SYT14: variants seen among roughly 807,000 people sequenced by gnomAD.
SYT14 encodes the protein synaptotagmin-14.
Under a neutral mutation model 74.2 loss-of-function variants are expected in SYT14, and 32 were observed. The ratio of observed to expected loss-of-function variants is 0.43; its 90% CI spans 0.33 to 0.58. SYT14 has a LOEUF of 0.58. SYT14 is among the 20% of genes least tolerant of loss of function. The pLI is 0.05. For synonymous variants in SYT14, 298 were observed against 337.7 expected, an observed-to-expected ratio of 0.88 and a Z score of 1.29; for missense variants, 791 against 981.8, an observed-to-expected ratio of 0.81 and a Z score of 2.60.
chr1:210,154,815 T>C (rs2083236315), intron 7 of SYT14, among the ~76,000 whole-genome samples: 1 of 152,218 alleles, frequency 6.6e-6, no homozygotes, highest in Non-Finnish European at 1.5e-5. Flanking sequence ...TATTATTTGC[T>C]TTAATTTAAA....
intron 7 of SYT14, among the ~76,000 whole-genome samples, chr1:210,126,164 G>C (rs10779523): frequency 0.67 from 101,545 of 151,716 alleles, 34,999 homozygotes; most frequent in East Asian, 0.87. Context: ...GATCACCCCA[G>C]TGCACTCCAG....
At chr1:209,938,985 T>C (rs149097824) in intron 1 of SYT14, among the ~76,000 whole-genome samples, 256 of 152,276 alleles carry the variant, frequency 1.7e-3, no homozygotes, top group African/African-American at 5.9e-3. Flanking sequence ...TACCAGTCTA[T>C]GAAGTGTTAT....
At chr1:209,938,732 C>A (rs72649921) in intron 1 of SYT14, among the ~76,000 whole-genome samples, 7,456 of 152,156 alleles carry the variant, frequency 0.049, 1,013 homozygotes, top group East Asian at 0.41. Context: ...TCCTGCCAAA[C>A]TGAGAGTCCA....
Position 210,016,456 on chromosome 1 carries a change from G to A in SYT14, c.453G>A (p.Gly151=), listed in dbSNP as rs148831027. The A allele has an allele frequency of 2.3e-4, 288 of 1,232,026 alleles. 1 individual carries two copies. In the African/African-American group the frequency reaches 3.9e-3, roughly 17 times the overall value. 76.3% of individuals were successfully genotyped at this position (1,232,026 alleles called of 1,614,324 possible). A position where few individuals can be genotyped will look rare whatever the true frequency, so the allele number is the denominator to read the frequency against. ...TGAAAGGCTACATGAATAATGGTGG[G>A]ATATCAGTTATCAGACAGAATACAA... Residue 151 remains glycine (G), a synonymous_variant, in exon 4 of 10, where the codon GGG becomes GGA. Transcript: ENST00000637265.
At chr1:209,977,800 TTTTCCAAC>T (rs1406621200) in intron 2 of SYT14, among the ~76,000 whole-genome samples, 1 of 151,990 alleles carries the variant, frequency 6.6e-6, no homozygotes, top group African/African-American at 2.4e-5. Context: ...CTGCAGAGTG[TTTTCCAAC>T]TTGGTTCCAT....
chr1:210,038,006 C>T (rs1280894464), intron 5 of SYT14, among the ~76,000 whole-genome samples: 1 of 152,010 alleles, frequency 6.6e-6, no homozygotes, highest in African/African-American at 2.4e-5. Context: ...GATTTTCTCT[C>T]TCGATGATCT....
chr1:210,018,167 C>T (rs867543134), intron 4 of SYT14, among the ~76,000 whole-genome samples: 11 of 152,272 alleles, frequency 7.2e-5, no homozygotes, highest in South Asian at 4.1e-4. Flanking sequence ...CAGAGTCTTG[C>T]GCTGTCGCCA....
chr1:210,112,376 A>T (rs2082279821), intron 7 of SYT14, among the ~76,000 whole-genome samples: 1 of 151,468 alleles, frequency 6.6e-6, no homozygotes, highest in African/African-American at 2.5e-5. Context: ...AAAGGAAATG[A>T]GAGGTTCTAA....
At chr1:209,965,875 TTC>T in intron 2 of SYT14, 1 of 452,602 alleles carries the variant, frequency 2.2e-6, no homozygotes, top group South Asian at 1.6e-5. Flanking sequence ...ATTTTTGAAC[TTC>T]TTTTTTTTTT....
chr1:209,960,582 A>G (rs946583389), intron 2 of SYT14, among the ~76,000 whole-genome samples: 2 of 152,152 alleles, frequency 1.3e-5, no homozygotes, highest in Non-Finnish European at 2.9e-5. Context: ...TCCCATTTGA[A>G]TCAAAGATTG....
rs1044756727 is a variant in SYT14, at chr1:210,132,821, T to C, written c.2035-22900T>C. ...ACTGACAAGTCCCTAGCCTCTCTTC[T>C]GGATTCTAGCGTAGCTGCCTTAAAT... is the stretch of plus-strand genomic sequence containing the variant. On this transcript the variant is annotated intron_variant, in intron 7 of 9. Coordinates refer to ENST00000637265, the Ensembl canonical transcript of SYT14. 2.6e-5 allele frequency among the ~76,000 whole-genome samples: 4 copies of C among 152,302 alleles called. No individual in the cohort carries two copies. In the East Asian group the frequency reaches 7.7e-4, roughly 29 times the overall value.
exon 10 of SYT14, chr1:210,166,371 G>C (rs2083455505): frequency 6.6e-6 from 1 of 152,328 alleles, no homozygotes; most frequent in Admixed American, 6.5e-5. Flanking sequence ...TTTAAGACCA[G>C]CCTGGGCAAC....
At chr1:210,161,165 A>T in exon 10 of SYT14, 1 of 1,096,292 alleles carries the variant, frequency 9.1e-7, no homozygotes, top group Non-Finnish European at 1.4e-6. Flanking sequence ...CTTCTACCAA[A>T]ATGCTTTAAG....
chr1:210,088,407 T>C (rs2102504983), intron 5 of SYT14, among the ~76,000 whole-genome samples: 1 of 152,134 alleles, frequency 6.6e-6, no homozygotes, highest in East Asian at 1.9e-4. Flanking sequence ...TGCCCATATG[T>C]TCTCATTGTT....
rs181528729 is a variant in SYT14 at position 209,961,086 on chromosome 1, A to G, written c.-486+8330A>G. The stretch of plus-strand genomic sequence containing the variant: ...GTTAGGTGTTTATATTTTACTGTCT[A>G]CACCCTCGGATTCTCCCTTTTTGCT... On this transcript the variant is annotated intron_variant, in intron 2 of 9. Transcript: ENST00000637265. 2.8e-4 allele frequency among the ~76,000 whole-genome samples: 43 copies of G among 152,292 alleles called. 1 individual carries two copies. In the East Asian group the frequency reaches 6.6e-3, roughly 23 times the overall value.
intron 6 of SYT14, among the ~76,000 whole-genome samples, chr1:210,096,182 T>A (rs1414282455): frequency 6.6e-6 from 1 of 152,210 alleles, no homozygotes; most frequent in African/African-American, 2.4e-5. Flanking sequence ...ATAGTGAAAC[T>A]TTAGTTCCAA....
chr1:210,125,466 G>A (rs1445978558), intron 7 of SYT14, among the ~76,000 whole-genome samples: 3 of 152,096 alleles, frequency 2.0e-5, no homozygotes, highest in Admixed American at 2.0e-4. Flanking sequence ...AGAGGTAATT[G>A]CAATGGCCGT....
chr1:210,051,340 TTC>T (rs1324004111), intron 5 of SYT14, among the ~76,000 whole-genome samples: 14 of 152,348 alleles, frequency 9.2e-5, no homozygotes, highest in Middle Eastern at 3.4e-3. Context: ...TTTGCATTAA[TTC>T]TTTTTTGTGG....
At chr1:210,056,166 A>G (rs776252494) in intron 5 of SYT14, among the ~76,000 whole-genome samples, 1 of 152,168 alleles carries the variant, frequency 6.6e-6, no homozygotes, top group Non-Finnish European at 1.5e-5. Context: ...ACATCGTATT[A>G]TAAAAGCTGT....
Sources: gnomAD v4.1 joint callset for allele counts (sites outside exome capture counted in the v4.1 genomes callset) on GRCh38, gnomAD v4.1.1 for gene constraint, MANE v1.5 for transcripts, NCBI Gene and HGNC (gene_info 2026-07-23, HGNC 2026-07-21) for gene names.